TANC2: variants seen among roughly 807,000 people sequenced by gnomAD.
The protein encoded by TANC2 is tetratricopeptide repeat, ankyrin repeat and coiled-coil containing 2, also known as protein TANC2.
TANC2 carries 26 observed loss-of-function variants against 210.5 expected under a neutral mutation model. The observed-to-expected ratio is 0.12, with a 90% CI of 0.09 to 0.17. The LOEUF is 0.17. Ranked by LOEUF, TANC2 falls within the 10% of genes least tolerant of loss-of-function variation. TANC2 has a pLI of 1.00. For synonymous variants in TANC2, 931 were observed against 967.1 expected (o/e 0.96, Z 0.69); for missense variants, 2,129 against 2,608.9 (o/e 0.82, Z 4.01).
At chr17:63,392,057 T>C (rs1189740283) in intron 17 of TANC2, among the ~76,000 whole-genome samples, 4 of 152,166 alleles carry the variant, frequency 2.6e-5, no homozygotes, top group Admixed American at 2.6e-4. Context: ...ATTTCCCACT[T>C]CTCTGGCTGC....
At chr17:63,382,059 C>G (rs2047629317) in intron 15 of TANC2, among the ~76,000 whole-genome samples, 1 of 152,182 alleles carries the variant, frequency 6.6e-6, no homozygotes, top group African/African-American at 2.4e-5. Flanking sequence ...TTGAATTGAA[C>G]CAAACTGACG....
At chr17:63,018,227 A>G (rs1233155688) in intron 2 of TANC2, among the ~76,000 whole-genome samples, 1 of 152,182 alleles carries the variant, frequency 6.6e-6, no homozygotes, top group Non-Finnish European at 1.5e-5. Flanking sequence ...GCCGTGGCTC[A>G]TGCCTGTAAT....
intron 3 of TANC2, among the ~76,000 whole-genome samples, chr17:63,090,094 C>T (rs1275742481): frequency 3.3e-5 from 5 of 152,062 alleles, no homozygotes; most frequent in Non-Finnish European, 5.9e-5. Context: ...TTGTCTCCCT[C>T]AACCTAATCC....
intron 4 of TANC2, among the ~76,000 whole-genome samples, chr17:63,147,885 CA>C (rs1450107482): frequency 1.2e-4 from 18 of 152,168 alleles, no homozygotes; most frequent in Admixed American, 6.5e-5. Context: ...TTACTACCCC[CA>C]TGCCTCAACA....
At chr17:63,052,248 A>G (rs2035609390) in intron 2 of TANC2, among the ~76,000 whole-genome samples, 1 of 152,220 alleles carries the variant, frequency 6.6e-6, no homozygotes, top group Admixed American at 6.5e-5. Context: ...CACATAGAGC[A>G]TTATGATAAC....
chr17:63,198,765 GA>G (rs1001193353), intron 6 of TANC2, among the ~76,000 whole-genome samples: 3 of 150,470 alleles, frequency 2.0e-5, no homozygotes, highest in Non-Finnish European at 3.0e-5. Flanking sequence ...CTCTGTAAGG[GA>G]AAAAAGATTT....
At chr17:63,051,939 C>A (rs1568345986) in intron 2 of TANC2, among the ~76,000 whole-genome samples, 1 of 152,078 alleles carries the variant, frequency 6.6e-6, no homozygotes, top group Non-Finnish European at 1.5e-5. Flanking sequence ...CTTCTACTTA[C>A]AATGGGTTTA....
intron 4 of TANC2, among the ~76,000 whole-genome samples, chr17:63,103,662 CAG>C (rs2037716188): frequency 6.6e-6 from 1 of 152,088 alleles, no homozygotes; most frequent in African/African-American, 2.4e-5. Flanking sequence ...TTTAAGGGCT[CAG>C]AAAGTGTTAG....
chr17:62,981,800 A>T (rs1015613741), intron 1 of TANC2, among the ~76,000 whole-genome samples: 2 of 152,190 alleles, frequency 1.3e-5, no homozygotes, highest in Non-Finnish European at 2.9e-5. Context: ...AGAACAACTG[A>T]TAGAACAGGA....
chr17:63,293,847 C>T (rs538709412), intron 9 of TANC2, among the ~76,000 whole-genome samples: 11 of 151,806 alleles, frequency 7.2e-5, no homozygotes, highest in Non-Finnish European at 1.5e-4. Context: ...TCAAGCTATC[C>T]TCCCACCTCA....
At chr17:63,057,010 G>A (rs922586519) in intron 2 of TANC2, among the ~76,000 whole-genome samples, 5 of 151,524 alleles carry the variant, frequency 3.3e-5, no homozygotes, top group African/African-American at 1.2e-4. Flanking sequence ...TAAGAGACAA[G>A]GTCTCACTGT....
At chr17:63,362,002 G>T (rs2046972348) in intron 14 of TANC2, among the ~76,000 whole-genome samples, 1 of 152,126 alleles carries the variant, frequency 6.6e-6, no homozygotes, top group Non-Finnish European at 1.5e-5. Context: ...CCTGGAATGG[G>T]TAGCTTCTAT....
chr17:63,071,834 A>ATT (rs2036407802), intron 2 of TANC2, among the ~76,000 whole-genome samples: 1 of 152,168 alleles, frequency 6.6e-6, no homozygotes, highest in African/African-American at 2.4e-5. Flanking sequence ...GAAAAGAATA[A>ATT]AACGGGAACA....
chr17:63,136,482 T>A (rs778829897), intron 4 of TANC2, among the ~76,000 whole-genome samples: 4 of 152,196 alleles, frequency 2.6e-5, no homozygotes, highest in Admixed American at 2.0e-4. Context: ...TCTATAAATA[T>A]CTACACAAAT....
intron 7 of TANC2, among the ~76,000 whole-genome samples, chr17:63,235,201 A>G (rs145854720): frequency 0.016 from 2,495 of 152,056 alleles, 32 homozygotes; most frequent in Non-Finnish European, 0.024. Context: ...TGTTTTCCAG[A>G]TTTGCTACCA....
At chr17:63,133,681 A>G (rs2038997500) in intron 4 of TANC2, among the ~76,000 whole-genome samples, 1 of 152,160 alleles carries the variant, frequency 6.6e-6, no homozygotes, top group Non-Finnish European at 1.5e-5. Context: ...ATGTAATTTT[A>G]CCTAGTCAGC....
chr17:63,352,107 T>C (rs567262368), intron 13 of TANC2, among the ~76,000 whole-genome samples: 16 of 152,228 alleles, frequency 1.1e-4, no homozygotes, highest in African/African-American at 3.8e-4. Context: ...GCTGAGTTGG[T>C]GTCCCATTCT....
At chr17:63,005,407 A>T (rs1481340579) in intron 1 of TANC2, among the ~76,000 whole-genome samples, 3 of 152,054 alleles carry the variant, frequency 2.0e-5, no homozygotes, top group Admixed American at 1.3e-4. Flanking sequence ...GGTTTTCAAC[A>T]TTGCTTTGGT....
chr17:63,007,564 T>C (rs972977344), intron 1 of TANC2, among the ~76,000 whole-genome samples: 8 of 152,300 alleles, frequency 5.3e-5, no homozygotes, highest in African/African-American at 1.9e-4. Context: ...TAGTCAAATG[T>C]TTTTACTTAT....
Sources: gnomAD v4.1 joint callset for allele counts (sites outside exome capture counted in the v4.1 genomes callset) on GRCh38, gnomAD v4.1.1 for gene constraint, MANE v1.5 for transcripts, NCBI Gene and HGNC (gene_info 2026-07-23, HGNC 2026-07-21) for gene names.